SYT16: variants seen among roughly 807,000 people sequenced by gnomAD.
The protein encoded by SYT16 is synaptotagmin-16.
SYT16 carries 42 observed loss-of-function variants against 61.4 expected under a neutral mutation model. That is an observed-to-expected ratio of 0.68 (90% CI 0.53 to 0.89). The LOEUF (loss-of-function observed/expected upper bound fraction) is 0.89. Among genes scored for constraint, SYT16 ranks in the 40% least tolerant of loss-of-function variants. SYT16 has a pLI of 0.00. For missense variants in SYT16, 804 were observed against 807.3 expected (o/e 1.00, Z 0.05); for synonymous variants, 314 against 302.3 (o/e 1.04, Z -0.40).
chr14:61,930,735 C>T (rs564176971), intron 1 of SYT16, among the ~76,000 whole-genome samples: 5 of 151,866 alleles, frequency 3.3e-5, no homozygotes, highest in South Asian at 2.1e-4. Flanking sequence ...AATATAATTA[C>T]GAGTCTATGC....
At chr14:61,812,636 GGCGGCGCGGGGCGGCGCGGC>G (rs1402710410), upstream of SYT16, 3 of 146,024 alleles carry the variant, frequency 2.1e-5, no homozygotes, top group Non-Finnish European at 4.6e-5. Context: ...CTGGGCGCGG[GGCGGCGCGGGGCGGCGCGGC>G]GCGGCGGGGG....
chr14:61,907,039 T>C (rs1460984613), intron 1 of SYT16, among the ~76,000 whole-genome samples: 1 of 152,236 alleles, frequency 6.6e-6, no homozygotes, highest in Non-Finnish European at 1.5e-5. Context: ...ACATGGAATT[T>C]CTGCTCCAAA....
chr14:61,944,493 G>C (rs2050339384), intron 1 of SYT16, among the ~76,000 whole-genome samples: 1 of 152,108 alleles, frequency 6.6e-6, no homozygotes. Flanking sequence ...ATACTACAAG[G>C]CTACAGTAAC....
intron 3 of SYT16, among the ~76,000 whole-genome samples, chr14:62,018,298 C>CTTTTTTTTTTTTTT (rs776473522): frequency 9.7e-5 from 5 of 51,642 alleles, no homozygotes; most frequent in Admixed American, 3.0e-4. Context: ...TCTTCTTCTT[C>CTTTTTTTTTTTTTT]TTTTTTTTTT....
At chr14:61,915,931 G>A (rs954673851) in intron 1 of SYT16, among the ~76,000 whole-genome samples, 1 of 152,200 alleles carries the variant, frequency 6.6e-6, no homozygotes, top group African/African-American at 2.4e-5. Flanking sequence ...CGGGTTTGAG[G>A]ACAAAAGAAA....
intron 3 of SYT16, among the ~76,000 whole-genome samples, chr14:62,000,006 A>G (rs2052929580): frequency 6.7e-6 from 1 of 148,178 alleles, no homozygotes; most frequent in Non-Finnish European, 1.5e-5. Context: ...ACTTGAAAAG[A>G]TTGTATATTC....
rs558908978 is a variant in SYT16 at position 61,932,339 on chromosome 14, A to G, written c.-324-37793A>G. 1.4e-4 allele frequency among the ~76,000 whole-genome samples: 21 copies of G among 152,324 alleles called. 1 individual carries two copies. The South Asian group carries it at 1.4e-3, about 11-fold the overall frequency. On this transcript the variant is annotated intron_variant, in intron 1 of 7. Transcript: ENST00000683842. ...TGTGTTAGTCTGTTTTCACACTGCT[A>G]TAAAGAACTGCCTGAGACTGAGTAG...
intron 3 of SYT16, among the ~76,000 whole-genome samples, chr14:62,021,112 T>C (rs2053892236): frequency 6.6e-6 from 1 of 152,204 alleles, no homozygotes; most frequent in East Asian, 1.9e-4. Context: ...GTTCTGTAAA[T>C]ATTTTTCCAA....
At chr14:62,010,311 G>A (rs563815583) in intron 3 of SYT16, among the ~76,000 whole-genome samples, 104 of 152,192 alleles carry the variant, frequency 6.8e-4, no homozygotes, top group African/African-American at 2.3e-3. Flanking sequence ...GCAGGATAAG[G>A]GGATACAAAT....
At chr14:61,896,332 C>A (rs551010093) in intron 1 of SYT16, among the ~76,000 whole-genome samples, 2 of 152,270 alleles carry the variant, frequency 1.3e-5, no homozygotes, top group South Asian at 2.1e-4. Flanking sequence ...GTCCTGGAGT[C>A]CCCACACTGA....
At chr14:61,848,379 C>A (rs893484456) in intron 1 of SYT16, among the ~76,000 whole-genome samples, 4 of 152,132 alleles carry the variant, frequency 2.6e-5, no homozygotes, top group East Asian at 1.9e-4. Flanking sequence ...GATTACCAGG[C>A]AGAGACTCTT....
At chr14:62,007,955 G>T (rs1168837319) in intron 3 of SYT16, among the ~76,000 whole-genome samples, 3 of 151,828 alleles carry the variant, frequency 2.0e-5, no homozygotes, top group Non-Finnish European at 4.4e-5. Context: ...CCTATAAAAA[G>T]TAAGAGGAGG....
rs8003633 is a variant in SYT16, at chr14:61,936,427, T to G, written c.-324-33705T>G. The stretch of plus-strand genomic sequence containing the variant: ...GGGGATAGATAGGGCAGAGCATCAT[T>G]CTATCAGCTGGAAGTGACTGACTCC... On this transcript the variant is annotated intron_variant, in intron 1 of 7. Transcript: ENST00000683842. 3.1e-3 allele frequency among the ~76,000 whole-genome samples: 476 copies of G among 152,128 alleles called. 3 individuals are homozygous for G. The highest frequency in any genetic ancestry group is 0.011 in the African/African-American group (457 of 41,498).
At chr14:62,004,277 T>A (rs111549420) in intron 3 of SYT16, among the ~76,000 whole-genome samples, 2 of 151,356 alleles carry the variant, frequency 1.3e-5, no homozygotes, top group African/African-American at 4.9e-5. Flanking sequence ...CAAGCGAGAG[T>A]GAGCAAAAGG....
At chr14:61,977,420 C>T (rs1314374178) in intron 2 of SYT16, among the ~76,000 whole-genome samples, 1 of 152,138 alleles carries the variant, frequency 6.6e-6, no homozygotes, top group Non-Finnish European at 1.5e-5. Flanking sequence ...GGAGAGACCT[C>T]AGGAAACTTA....
intron 3 of SYT16, among the ~76,000 whole-genome samples, chr14:62,041,771 A>G (rs770902137): frequency 1.3e-5 from 2 of 151,890 alleles, no homozygotes; most frequent in African/African-American, 2.4e-5. Context: ...CCCATTACAT[A>G]TGTATTGTGC....
At chr14:61,962,947 T>C (rs1450379019) in intron 1 of SYT16, among the ~76,000 whole-genome samples, 2 of 152,312 alleles carry the variant, frequency 1.3e-5, no homozygotes, top group Admixed American at 6.5e-5. Context: ...CACTGAGCTT[T>C]TTAAAGATGG....
chr14:61,935,863 T>G (rs777358490), intron 1 of SYT16, among the ~76,000 whole-genome samples: 3 of 152,242 alleles, frequency 2.0e-5, no homozygotes, highest in Admixed American at 2.0e-4. Flanking sequence ...CATTTTGTTA[T>G]GTGTTTTAAT....
chr14:62,055,729 T>C (rs1230165571), intron 3 of SYT16, among the ~76,000 whole-genome samples: 1 of 152,186 alleles, frequency 6.6e-6, no homozygotes, highest in Non-Finnish European at 1.5e-5. Context: ...ATAGGTGTAT[T>C]AGTCAGGGTC....
Sources: gnomAD v4.1 joint callset for allele counts (sites outside exome capture counted in the v4.1 genomes callset) on GRCh38, gnomAD v4.1.1 for gene constraint, MANE v1.5 for transcripts, NCBI Gene and HGNC (gene_info 2026-07-23, HGNC 2026-07-21) for gene names.